DNMT3A: variants seen among roughly 807,000 people sequenced by gnomAD.
DNMT3A encodes the protein DNA (cytosine-5)-methyltransferase 3A.
In DNMT3A, 267 loss-of-function variants were observed where a neutral mutation model predicts 117.6. That is an observed-to-expected ratio of 2.27 (90% CI 2.05 to 2.51). The LOEUF (loss-of-function observed/expected upper bound fraction) is 2.51, where lower values mean the gene tolerates loss of function less well. Ranked by LOEUF, DNMT3A falls within the 30% of genes most tolerant of loss-of-function variation. DNMT3A has a pLI of 0.00. For synonymous variants in DNMT3A, 432 were observed against 474.8 expected, an observed-to-expected ratio of 0.91 and a Z score of 1.17; for missense variants, 1,029 against 1,260.2, an observed-to-expected ratio of 0.82 and a Z score of 2.78.
rs780375536 is a variant in DNMT3A, at chr2:25,300,220, C to T, written c.96G>A (p.Pro32=). 8.1e-6 allele frequency: 13 copies of T among 1,609,610 alleles called. No individual in the cohort carries two copies. Among genetic ancestry groups the T allele is most frequent in the Admixed American group, 5.0e-5 (3 of 59,986 alleles). The change falls in exon 3 of 23, where the codon CCG becomes CCA. Residue 32 remains proline, a synonymous_variant. Coordinates refer to ENST00000321117, the MANE Select transcript of DNMT3A (RefSeq NM_022552.5). Reference sequence around the variant, plus strand: ...GCTCTTGGCGCTCCTCCTTGCCACGCGGCTCCTCCTGCTCCTCTCCGTCCT... The same window carrying T: ...GCTCTTGGCGCTCCTCCTTGCCACGTGGCTCCTCCTGCTCCTCTCCGTCCT... ...DRKDGEEQEE[P]RGKEERQEPS... is the part of the protein sequence containing the mutation.
At chr2:25,274,044 C>T (rs1231211466) in intron 6 of DNMT3A, among the ~76,000 whole-genome samples, 3 of 152,176 alleles carry the variant, frequency 2.0e-5, no homozygotes, top group African/African-American at 4.8e-5. Flanking sequence ...CCACCTCTGT[C>T]GCCCGTACTT....
rs1261802586 is a variant in DNMT3A at position 25,314,376 on chromosome 2, TC to T, written c.-177-216del. The T allele has an allele frequency of 4.1e-6, 4 of 985,088 alleles. No homozygotes were observed. The African/African-American group carries it at 5.2e-5, about 13-fold the overall frequency. The allele number at this position is 985,088 out of a possible 1,614,324, so 61.0% of individuals were successfully genotyped here. ...TGAGAGCCTTGGAGTGGCAGCAGTC[TC>T]CCCTCCGTGTCGCTGCGGCCAATGG... is the stretch of plus-strand genomic sequence containing the variant. On this transcript the variant is annotated intron_variant, in intron 1 of 22. Transcript: ENST00000321117.
In DNMT3A at chr2:25,248,301, C is replaced by T. The variant is rs776849794; in HGVS notation, c.640-49G>A. On this transcript the variant is annotated intron_variant, in intron 6 of 22. Coordinates refer to ENST00000321117, the MANE Select transcript of DNMT3A (RefSeq NM_022552.5). ...TCACCTTGACCTCTCCAGGAATTAG[C>T]AAGGCCACCTGACACTCAAGGGGAC... The T allele has an allele frequency of 5.3e-6, 7 of 1,322,470 alleles. No individual in the cohort carries two copies. In the South Asian group the frequency reaches 6.2e-5, roughly 12 times the overall value. 81.9% of individuals were successfully genotyped at this position (1,322,470 alleles called of 1,614,324 possible). A position where few individuals can be genotyped will look rare whatever the true frequency, so the allele number is the denominator to read the frequency against.
At chr2:25,314,619 C>A (rs1041805607) in intron 1 of DNMT3A, 1 of 985,198 alleles carries the variant, frequency 1.0e-6, no homozygotes, top group East Asian at 1.1e-4. Flanking sequence ...GAAGTGAGTG[C>A]AGTCACAGGA....
At chr2:25,276,459 C>T (rs1455394403) in intron 4 of DNMT3A, among the ~76,000 whole-genome samples, 2 of 152,260 alleles carry the variant, frequency 1.3e-5, no homozygotes, top group Admixed American at 6.5e-5. Context: ...ATTTCCTCTA[C>T]TGGGCCCTGA....
chr2:25,306,490 G>A lies in DNMT3A; in HGVS notation c.73-6247C>T, dbSNP rs1460155188. 3.9e-5 allele frequency among the ~76,000 whole-genome samples: 6 copies of A among 152,312 alleles called. No homozygotes were observed. Among genetic ancestry groups the A allele is most frequent in the East Asian group, 3.9e-4 (2 of 5,186 alleles). On this transcript the variant is annotated intron_variant, in intron 2 of 22. Coordinates refer to ENST00000321117, the MANE Select transcript of DNMT3A (RefSeq NM_022552.5). This position sits in a 1 kb window ranked among gnomAD's most constrained non-coding sequence, Gnocchi z 4.1. ...AGGGGAGGGGCCGTGTCTCATTGGC[G>A]CCTCTGAGTCCCCCACAGCTCCTGG... is the stretch of plus-strand genomic sequence containing the variant.
chr2:25,277,103 A>C (rs2031484136), intron 4 of DNMT3A, among the ~76,000 whole-genome samples: 2 of 152,074 alleles, frequency 1.3e-5, no homozygotes, highest in South Asian at 4.1e-4. Context: ...CGCCGGGCTC[A>C]GCCCGCGGGG....
intron 18 of DNMT3A, 49 bp downstream of exon 18, chr2:25,240,591 T>C: frequency 6.2e-7 from 1 of 1,609,772 alleles, no homozygotes; most frequent in African/African-American, 1.3e-5. Flanking sequence ...AGGAAGCCTA[T>C]GTGCGGAAGC....
intron 6 of DNMT3A, among the ~76,000 whole-genome samples, chr2:25,272,803 C>CTTTTTTTTTTTTTTTTTTTT (rs1217338234): frequency 5.4e-5 from 7 of 130,696 alleles, no homozygotes; most frequent in African/African-American, 1.1e-4. Flanking sequence ...TGCACTTTCT[C>CTTTTTTTTTTTTTTTTTTTT]TTTTTTTTTT....
chr2:25,280,534 C>T (rs1253248637), intron 4 of DNMT3A, among the ~76,000 whole-genome samples: 2 of 152,204 alleles, frequency 1.3e-5, no homozygotes, highest in African/African-American at 2.4e-5. Context: ...CCCTTCAGCT[C>T]GCGCTGGACA....
intron 1 of DNMT3A, among the ~76,000 whole-genome samples, chr2:25,341,346 G>C (rs535643789): frequency 0.021 from 3,062 of 145,116 alleles, 47 homozygotes; most frequent in Middle Eastern, 0.039. Flanking sequence ...CTTCTGGGTC[G>C]GGGTCCGCGC....
chr2:25,285,658 G>C (rs1278757823), intron 3 of DNMT3A, among the ~76,000 whole-genome samples: 3 of 152,240 alleles, frequency 2.0e-5, no homozygotes, highest in Non-Finnish European at 4.4e-5. Context: ...AGCAGAGCCA[G>C]GAAGGCCAAA....
At chr2:25,328,142 C>T (rs1157770780) in intron 1 of DNMT3A, among the ~76,000 whole-genome samples, 1 of 152,220 alleles carries the variant, frequency 6.6e-6, no homozygotes, top group Non-Finnish European at 1.5e-5. Context: ...TGTGAATGTA[C>T]TAAAACCATC....
intron 6 of DNMT3A, among the ~76,000 whole-genome samples, chr2:25,250,109 C>A (rs1341343008): frequency 6.6e-6 from 1 of 152,154 alleles, no homozygotes; most frequent in Non-Finnish European, 1.5e-5. Flanking sequence ...GCTTTTCTGA[C>A]CTGTTTAAAA....
intron 1 of DNMT3A, among the ~76,000 whole-genome samples, chr2:25,320,786 G>T (rs948265673): frequency 6.6e-6 from 1 of 152,150 alleles, no homozygotes; most frequent in African/African-American, 2.4e-5. Flanking sequence ...ATATATGCAT[G>T]TATGTACACA....
rs183631039 is a variant in DNMT3A at position 25,242,619 on chromosome 2, C to T, written c.1937-912G>A. On this transcript the variant is annotated intron_variant, in intron 16 of 22. Coordinates refer to ENST00000321117, the MANE Select transcript of DNMT3A (RefSeq NM_022552.5). ...ATCTGGCCGGGGAAGCCATCCCCTC[C>T]GCCTCACCCTCTAACCAGGGTCCCT... 1.2e-4 allele frequency among the ~76,000 whole-genome samples: 19 copies of T among 152,294 alleles called. No homozygotes were observed. In the South Asian group the frequency reaches 3.1e-3, roughly 25 times the overall value.
At chr2:25,250,508 C>T (rs890631964) in intron 6 of DNMT3A, among the ~76,000 whole-genome samples, 5 of 152,180 alleles carry the variant, frequency 3.3e-5, no homozygotes. Context: ...CGCTCCCTAG[C>T]CCCACTCTCA....
intron 6 of DNMT3A, among the ~76,000 whole-genome samples, chr2:25,264,810 C>T (rs548862859): frequency 3.0e-4 from 45 of 152,178 alleles, no homozygotes; most frequent in African/African-American, 5.3e-4. Flanking sequence ...TTAGAAGAGA[C>T]GTATATGCGA....
chr2:25,245,936 T>G (rs963435765), intron 12 of DNMT3A, 84 bp downstream of exon 12: 20 of 1,560,388 alleles, frequency 1.3e-5, no homozygotes, highest in Non-Finnish European at 1.7e-5. Flanking sequence ...CCTGGTCCCA[T>G]GTCATTCAAA....
Sources: allele counts gnomAD v4.1 joint callset (sites outside exome capture counted in the v4.1 genomes callset), GRCh38; gene constraint gnomAD v4.1.1; non-coding constraint Gnocchi (gnomAD v3.1); transcripts MANE v1.5; gene names NCBI Gene and HGNC (gene_info 2026-07-23, HGNC 2026-07-21).